LCLAT1: variants seen among roughly 807,000 people sequenced by gnomAD.
The protein encoded by LCLAT1 is 1-AGP acyltransferase 8.
LCLAT1 carries 11 observed loss-of-function variants against 30.7 expected under a neutral mutation model. The observed-to-expected ratio is 0.36, with a 90% confidence interval of 0.23 to 0.59. The LOEUF (loss-of-function observed/expected upper bound fraction) is 0.59, where lower values mean the gene tolerates loss of function less well. Ranked by LOEUF, LCLAT1 falls within the 20% of genes least tolerant of loss-of-function variation. The probability of loss-of-function intolerance (pLI) is 0.77; values close to 1 mark genes in which losing one functional copy is unlikely to be tolerated. For missense variants in LCLAT1, 402 were observed against 458.6 expected (o/e 0.88, Z 1.13); for synonymous variants, 155 against 151.3 (o/e 1.02, Z -0.18).
At chr2:30,538,627 C>T (rs143890085) in intron 3 of LCLAT1, among the ~76,000 whole-genome samples, 48 of 151,138 alleles carry the variant, frequency 3.2e-4, no homozygotes, top group African/African-American at 1.2e-3. Flanking sequence ...CAGAGCCAGA[C>T]TCCATCTCAA....
intron 5 of LCLAT1, among the ~76,000 whole-genome samples, chr2:30,587,070 C>T (rs994868542): frequency 1.2e-4 from 18 of 152,200 alleles, no homozygotes; most frequent in African/African-American, 4.3e-4. Context: ...AAGTGACCAC[C>T]TTGTGGTAAA....
intron 1 of LCLAT1, among the ~76,000 whole-genome samples, chr2:30,484,135 A>G (rs1431237969): frequency 2.0e-5 from 3 of 152,196 alleles, no homozygotes; most frequent in African/African-American, 4.8e-5. Context: ...CCAAATATAG[A>G]TGGCCCTGCT....
At chr2:30,520,769 T>A (rs1452421187) in intron 1 of LCLAT1, among the ~76,000 whole-genome samples, 1 of 152,190 alleles carries the variant, frequency 6.6e-6, no homozygotes, top group Non-Finnish European at 1.5e-5. Flanking sequence ...ATTGTCAGAT[T>A]TTTATATACA....
chr2:30,570,807 G>T (rs1380852780), intron 5 of LCLAT1, among the ~76,000 whole-genome samples: 1 of 152,200 alleles, frequency 6.6e-6, no homozygotes, highest in Non-Finnish European at 1.5e-5. Context: ...TTGTGATGCT[G>T]CCTGAGATAA....
intron 5 of LCLAT1, among the ~76,000 whole-genome samples, chr2:30,575,272 A>C (rs1246477258): frequency 6.6e-6 from 1 of 151,288 alleles, no homozygotes; most frequent in East Asian, 1.9e-4. Flanking sequence ...TTTTTTGTCC[A>C]TCTCTCTCAT....
chr2:30,525,706 A>G lies in LCLAT1; in HGVS notation c.116A>G (p.Tyr39Cys). 1 of 1,614,092 alleles carries G rather than the reference A, an allele frequency of 6.2e-7. No homozygotes were observed. Among genetic ancestry groups the G allele is most frequent in the Non-Finnish European group, 8.5e-7 (1 of 1,180,010 alleles). ...TTGATGTTTGTAAACCCATCTTGGT[A>G]TCGCTGGATCAACAACCGCCTTGTG... ...LPLMFVNPSWYRWINNRLVAT... is the reference protein window; with the variant it reads ...LPLMFVNPSWCRWINNRLVAT... Residue 39 changes from tyrosine to cysteine, a missense_variant, in exon 2 of 6, where the codon TAT becomes TGT. Coordinates refer to ENST00000379509, the MANE Select transcript of LCLAT1 (RefSeq NM_001002257.3).
At chr2:30,469,517 G>A (rs900798985) in intron 1 of LCLAT1, among the ~76,000 whole-genome samples, 5 of 151,084 alleles carry the variant, frequency 3.3e-5, no homozygotes, top group South Asian at 2.1e-4. Context: ...AAATCAGTTG[G>A]CCATAGATGT....
At chr2:30,553,502 T>C (rs1330422336) in intron 3 of LCLAT1, among the ~76,000 whole-genome samples, 1 of 152,192 alleles carries the variant, frequency 6.6e-6, no homozygotes, top group Admixed American at 6.5e-5. Context: ...AGACAGAATA[T>C]CCTGCAGTGG....
At position 30,531,855 on chromosome 2, in the gene LCLAT1, C is replaced by G. The variant is rs555771205; in HGVS notation, c.166-1261C>G. 2.6e-4 allele frequency among the ~76,000 whole-genome samples: 40 copies of G among 152,184 alleles called. 1 individual carries two copies. The highest frequency in any genetic ancestry group is 9.4e-4 in the African/African-American group (39 of 41,522). On this transcript the variant is annotated intron_variant, in intron 2 of 5. Coordinates refer to ENST00000379509, the MANE Select transcript of LCLAT1 (RefSeq NM_001002257.3). ...CCTTTTTGTTGTGAAGTATAGCAAA[C>G]ATACCGAAAAGTTATTAAAACACAA...
At chr2:30,489,462 C>G (rs1167303035) in intron 1 of LCLAT1, among the ~76,000 whole-genome samples, 1 of 152,066 alleles carries the variant, frequency 6.6e-6, no homozygotes, top group Admixed American at 6.5e-5. Context: ...ATGCCATTCT[C>G]CTGCCTCAGC....
chr2:30,561,238 C>T (rs1325666001), intron 3 of LCLAT1, among the ~76,000 whole-genome samples: 14 of 152,274 alleles, frequency 9.2e-5, no homozygotes, highest in African/African-American at 1.4e-4. Context: ...CCACCACACG[C>T]GGCCTCTTGT....
At chr2:30,450,163 A>G (rs1443956829) in intron 1 of LCLAT1, among the ~76,000 whole-genome samples, 1 of 152,266 alleles carries the variant, frequency 6.6e-6, no homozygotes, top group Non-Finnish European at 1.5e-5. Context: ...AAAGCATGAT[A>G]AGGACTCAAA....
At chr2:30,553,195 G>A (rs1454910248) in intron 3 of LCLAT1, among the ~76,000 whole-genome samples, 1 of 152,034 alleles carries the variant, frequency 6.6e-6, no homozygotes, top group Non-Finnish European at 1.5e-5. Context: ...TTTTTATTAA[G>A]AATGCATAAT....
intron 1 of LCLAT1, among the ~76,000 whole-genome samples, chr2:30,478,070 T>TAAA (rs79364091): frequency 1.7e-5 from 2 of 114,982 alleles, no homozygotes; most frequent in Admixed American, 9.0e-5. Flanking sequence ...AGTGAGGGAT[T>TAAA]AAAAAAAAAA....
At chr2:30,515,799 C>T (rs997988018) in intron 1 of LCLAT1, among the ~76,000 whole-genome samples, 2 of 152,066 alleles carry the variant, frequency 1.3e-5, no homozygotes, top group African/African-American at 2.4e-5. Context: ...TCAATCATGG[C>T]GTTTTTTATT....
intron 1 of LCLAT1, among the ~76,000 whole-genome samples, chr2:30,517,162 C>T (rs1685221729): frequency 6.6e-6 from 1 of 152,172 alleles, no homozygotes; most frequent in Non-Finnish European, 1.5e-5. Context: ...ACCTCTGAAT[C>T]TACTTCCTCC....
chr2:30,575,207 C>T (rs969966196), intron 5 of LCLAT1, among the ~76,000 whole-genome samples: 4 of 152,046 alleles, frequency 2.6e-5, no homozygotes, highest in South Asian at 4.1e-4. Context: ...TCTTCTTATT[C>T]TCATCATACT....
intron 5 of LCLAT1, among the ~76,000 whole-genome samples, chr2:30,626,527 A>T (rs931155272): frequency 1.3e-5 from 2 of 152,118 alleles, no homozygotes; most frequent in Non-Finnish European, 2.9e-5. Context: ...ACTGTATGTA[A>T]TCTTAAATAC....
chr2:30,452,986 T>A (rs1432593653), intron 1 of LCLAT1, among the ~76,000 whole-genome samples: 1 of 152,158 alleles, frequency 6.6e-6, no homozygotes, highest in African/African-American at 2.4e-5. Flanking sequence ...TTAGCTGCCT[T>A]GTCTGCAGCT....
Sources: allele counts gnomAD v4.1 joint callset (sites outside exome capture counted in the v4.1 genomes callset), GRCh38; gene constraint gnomAD v4.1.1; transcripts MANE v1.5; gene names NCBI Gene and HGNC (gene_info 2026-07-23, HGNC 2026-07-21).